SLC4A10: variants seen among roughly 807,000 people sequenced by gnomAD.
SLC4A10 encodes the protein sodium-driven chloride bicarbonate exchanger.
A neutral mutation model predicts 137.7 loss-of-function variants in SLC4A10; 42 were observed. The ratio of observed to expected loss-of-function variants is 0.30; its 90% CI spans 0.24 to 0.39. The LOEUF (loss-of-function observed/expected upper bound fraction) is 0.39, where lower values mean the gene tolerates loss of function less well. Among genes scored for constraint, SLC4A10 ranks in the 10% least tolerant of loss-of-function variants. The pLI is 1.00. For synonymous variants in SLC4A10, 474 were observed against 464.1 expected, an observed-to-expected ratio of 1.02 and a Z score of -0.27; for missense variants, 925 against 1,355.0, an observed-to-expected ratio of 0.68 and a Z score of 4.98.
chr2:161,774,740 C>T lies in SLC4A10; in HGVS notation c.130+3686C>T, dbSNP rs140171267. On this transcript the variant is annotated intron_variant, in intron 2 of 26. Coordinates refer to ENST00000446997, the MANE Select transcript of SLC4A10 (RefSeq NM_001178015.2). ...GAGTTCCATGTGGAATCAGTTGAGA[C>T]GTCTACTGCAATTGCACCATAATTT... 1.1e-3 allele frequency among the ~76,000 whole-genome samples: 160 copies of T among 151,976 alleles called. 1 individual carries two copies. The highest frequency in any genetic ancestry group is 3.1e-3 in the African/African-American group (128 of 41,510).
At chr2:161,788,531 C>G (rs1367739925) in intron 2 of SLC4A10, among the ~76,000 whole-genome samples, 3 of 152,052 alleles carry the variant, frequency 2.0e-5, no homozygotes, top group Non-Finnish European at 4.4e-5. Flanking sequence ...GCCCCTCATC[C>G]TGGGCAGGCA....
At chr2:161,736,703 G>T (rs1430555214) in intron 1 of SLC4A10, among the ~76,000 whole-genome samples, 2 of 152,110 alleles carry the variant, frequency 1.3e-5, no homozygotes, top group Non-Finnish European at 2.9e-5. Context: ...CATGACACAT[G>T]GGGATCATGG....
At chr2:161,725,868 G>A (rs77929428) in intron 1 of SLC4A10, among the ~76,000 whole-genome samples, 244 of 152,230 alleles carry the variant, frequency 1.6e-3, no homozygotes, top group African/African-American at 5.6e-3. Context: ...AGTGGGATTA[G>A]GTTCTCATTT....
At chr2:161,879,723 C>A (rs1260826271) in intron 9 of SLC4A10, among the ~76,000 whole-genome samples, 10 of 151,994 alleles carry the variant, frequency 6.6e-5, no homozygotes, top group Admixed American at 6.6e-4. Context: ...AGAAGGCCTT[C>A]AAAATGCATG....
Position 161,839,780 on chromosome 2 carries a change from A to AT in SLC4A10, c.278-3dup. On this transcript the variant is annotated splice_polypyrimidine_tract_variant and intron_variant, in intron 3 of 26. Coordinates refer to ENST00000446997, the MANE Select transcript of SLC4A10 (RefSeq NM_001178015.2). ...ATGTTCATGGTAATACATGTCTCTGATTTTTTAGACACCCCATCACAGAGG... is the reference window on the plus strand; with the variant it reads ...ATGTTCATGGTAATACATGTCTCTGATTTTTTTAGACACCCCATCACAGAGG... 1.9e-6 allele frequency: 3 copies of AT among 1,613,324 alleles called. No homozygotes were observed. Among genetic ancestry groups the AT allele is most frequent in the East Asian group, 4.5e-5 (2 of 44,846 alleles).
intron 1 of SLC4A10, among the ~76,000 whole-genome samples, chr2:161,710,142 G>T (rs1214683427): frequency 6.6e-6 from 1 of 151,560 alleles, no homozygotes; most frequent in Non-Finnish European, 1.5e-5. Context: ...TGTTATTCAG[G>T]CTACTTAGCC....
At chr2:161,909,591 T>G (rs2105384193) in intron 15 of SLC4A10, among the ~76,000 whole-genome samples, 1 of 152,322 alleles carries the variant, frequency 6.6e-6, no homozygotes, top group Non-Finnish European at 1.5e-5. Context: ...ACTGCACTGG[T>G]TCTTCACTCC....
intron 1 of SLC4A10, among the ~76,000 whole-genome samples, chr2:161,646,766 G>A (rs1361481490): frequency 6.6e-6 from 1 of 151,848 alleles, no homozygotes; most frequent in East Asian, 1.9e-4. Flanking sequence ...TTCAAAATTA[G>A]ACATATCCAG....
chr2:161,914,989 T>C (rs1429069548), intron 15 of SLC4A10, among the ~76,000 whole-genome samples: 1 of 152,140 alleles, frequency 6.6e-6, no homozygotes, highest in African/African-American at 2.4e-5. Flanking sequence ...GCCTGTTCTC[T>C]TCCGATTGGT....
chr2:161,798,025 G>A (rs2054966525), intron 2 of SLC4A10, among the ~76,000 whole-genome samples: 2 of 151,898 alleles, frequency 1.3e-5, no homozygotes, highest in African/African-American at 4.8e-5. Context: ...AACAACACAA[G>A]GAACAATGGC....
At chr2:161,691,994 A>T (rs2042050959) in intron 1 of SLC4A10, among the ~76,000 whole-genome samples, 1 of 152,130 alleles carries the variant, frequency 6.6e-6, no homozygotes, top group Admixed American at 6.6e-5. Flanking sequence ...GCTACATGTC[A>T]AATGAAAGAG....
intron 3 of SLC4A10, among the ~76,000 whole-genome samples, chr2:161,808,201 C>T (rs1247357709): frequency 2.0e-5 from 3 of 151,946 alleles, no homozygotes; most frequent in Admixed American, 6.6e-5. Context: ...TATTTTCTCT[C>T]CCACTTATTT....
At chr2:161,796,741 G>A (rs550956984) in intron 2 of SLC4A10, among the ~76,000 whole-genome samples, 11 of 152,194 alleles carry the variant, frequency 7.2e-5, no homozygotes, top group African/African-American at 2.6e-4. Flanking sequence ...TTGTTTCACA[G>A]TTGAATTTCA....
intron 23 of SLC4A10, among the ~76,000 whole-genome samples, chr2:161,970,085 C>T (rs1698263449): frequency 6.6e-6 from 1 of 152,158 alleles, no homozygotes; most frequent in Non-Finnish European, 1.5e-5. Context: ...TTAATAAGAC[C>T]TCTGGGTGAT....
chr2:161,928,350 C>T (rs1470994459), intron 15 of SLC4A10, among the ~76,000 whole-genome samples: 22 of 119,068 alleles, frequency 1.8e-4, no homozygotes, highest in Non-Finnish European at 2.9e-4. Flanking sequence ...GGAAGGGGAA[C>T]ATCACACTCT....
chr2:161,849,305 A>C (rs768482986), intron 4 of SLC4A10, among the ~76,000 whole-genome samples: 6 of 152,098 alleles, frequency 3.9e-5, no homozygotes, highest in Non-Finnish European at 8.8e-5. Flanking sequence ...CCTCAAGCAG[A>C]GATTATGGTT....
At chr2:161,961,402 G>A (rs1696687286) in intron 21 of SLC4A10, among the ~76,000 whole-genome samples, 2 of 152,148 alleles carry the variant, frequency 1.3e-5, no homozygotes, top group African/African-American at 4.8e-5. Context: ...GTTGAGCCAT[G>A]TTATATGTTT....
At chr2:161,733,124 T>C (rs1275915623) in intron 1 of SLC4A10, among the ~76,000 whole-genome samples, 1 of 152,158 alleles carries the variant, frequency 6.6e-6, no homozygotes, top group Non-Finnish European at 1.5e-5. Flanking sequence ...GCAGGCTGCA[T>C]AAATTTGCAT....
At chr2:161,801,145 C>A (rs992780558) in intron 2 of SLC4A10, among the ~76,000 whole-genome samples, 11 of 152,008 alleles carry the variant, frequency 7.2e-5, no homozygotes, top group African/African-American at 2.7e-4. Context: ...AACTTACTGT[C>A]TATTCTCTTG....
Sources: gnomAD v4.1 joint callset for allele counts (sites outside exome capture counted in the v4.1 genomes callset) on GRCh38, gnomAD v4.1.1 for gene constraint, MANE v1.5 for transcripts, NCBI Gene and HGNC (gene_info 2026-07-23, HGNC 2026-07-21) for gene names.